Variants in INPP4B observed in about 807,000 individuals in gnomAD.
The protein encoded by INPP4B is inositol polyphosphate 4-phosphatase type II.
Under a neutral mutation model 122.5 loss-of-function variants are expected in INPP4B, and 55 were observed. The ratio of observed to expected loss-of-function variants is 0.45; its 90% confidence interval spans 0.36 to 0.56. INPP4B has a LOEUF of 0.56. Among genes scored for constraint, INPP4B ranks in the 20% least tolerant of loss-of-function variants. The pLI is 0.00. For missense variants in INPP4B, 1,000 were observed against 1,097.7 expected (o/e 0.91, Z 1.26); for synonymous variants, 403 against 388.7 (o/e 1.04, Z -0.43).
chr4:142,673,426 A>G (rs1309096737), intron 2 of INPP4B, among the ~76,000 whole-genome samples: 2 of 152,024 alleles, frequency 1.3e-5, no homozygotes, highest in African/African-American at 4.8e-5. Flanking sequence ...CAAAAAAAAA[A>G]AAAAGTCACA....
intron 7 of INPP4B, among the ~76,000 whole-genome samples, chr4:142,390,777 A>G (rs1206403798): frequency 6.6e-6 from 1 of 152,176 alleles, no homozygotes; most frequent in East Asian, 1.9e-4. Flanking sequence ...GAAATAACCA[A>G]ATTGCCTTGT....
At chr4:142,377,288 T>C (rs1013390781) in intron 7 of INPP4B, among the ~76,000 whole-genome samples, 1 of 151,504 alleles carries the variant, frequency 6.6e-6, no homozygotes, top group African/African-American at 2.4e-5. Flanking sequence ...TTCTGACAAA[T>C]GTCTTAGAAG....
intron 9 of INPP4B, among the ~76,000 whole-genome samples, chr4:142,300,678 A>G (rs1561793881): frequency 6.6e-6 from 1 of 152,190 alleles, no homozygotes; most frequent in African/African-American, 2.4e-5. Flanking sequence ...AATACTACAT[A>G]AAATAGGAGA....
intron 25 of INPP4B, chr4:142,030,081 AAGTTCATTGTCATTTGT>A: frequency 6.8e-7 from 1 of 1,460,514 alleles, no homozygotes; most frequent in Non-Finnish European, 9.1e-7. Context: ...CCATAATTTA[AAGTTCATTGTCATTTGT>A]AGAAAAGAAA....
chr4:142,375,697 T>C (rs78614643), intron 7 of INPP4B, among the ~76,000 whole-genome samples: 203 of 152,112 alleles, frequency 1.3e-3, no homozygotes, highest in African/African-American at 4.4e-3. Flanking sequence ...TCCTGGCTTA[T>C]AAAGCAAACA....
chr4:142,124,733 A>C lies in INPP4B; in HGVS notation c.1748T>G (p.Leu583Arg), dbSNP rs1797987314. Reference protein sequence around the residue: ...REDWYEQLYPLILTLKDCMGE... With the variant: ...REDWYEQLYPRILTLKDCMGE... ...CATGCAGTCCTTCAGGGTAAGGATGAGGGGATACAACTGTTCATACCAGTC... is the reference window on the plus strand; with the variant it reads ...CATGCAGTCCTTCAGGGTAAGGATGCGGGGATACAACTGTTCATACCAGTC... Residue 583 changes from leucine (L) to arginine (R), a missense_variant, in exon 19 of 26, where the codon CTC (leucine) becomes CGC (arginine). Leu to Arg is a moderately radical substitution (Grantham distance 102). Transcript: ENST00000262992. 3.1e-6 allele frequency: 5 copies of C among 1,598,532 alleles called. No individual in the cohort carries two copies. The highest frequency in any genetic ancestry group is 3.4e-6 in the Non-Finnish European group (4 of 1,169,436).
intron 2 of INPP4B, among the ~76,000 whole-genome samples, chr4:142,571,694 T>C (rs1217674660): frequency 6.6e-6 from 1 of 152,172 alleles, no homozygotes; most frequent in African/African-American, 2.4e-5. Context: ...AAGTAAGTTT[T>C]GCTAACAATT....
chr4:142,768,894 A>C (rs1048750607), intron 1 of INPP4B, among the ~76,000 whole-genome samples: 2 of 152,168 alleles, frequency 1.3e-5, no homozygotes, highest in African/African-American at 4.8e-5. Context: ...GGGAACAAGG[A>C]AAGGATTTGT....
At chr4:142,520,948 T>C (rs1036073248) in intron 2 of INPP4B, among the ~76,000 whole-genome samples, 1 of 151,996 alleles carries the variant, frequency 6.6e-6, no homozygotes, top group Non-Finnish European at 1.5e-5. Flanking sequence ...TGCTTTTTAG[T>C]GCCATATAAA....
intron 1 of INPP4B, among the ~76,000 whole-genome samples, chr4:142,828,128 T>C (rs1350093468): frequency 6.6e-6 from 1 of 152,028 alleles, no homozygotes; most frequent in African/African-American, 2.4e-5. Flanking sequence ...AATGCTGAGC[T>C]CACAAGAAAT....
intron 2 of INPP4B, among the ~76,000 whole-genome samples, chr4:142,547,624 A>C (rs1165801417): frequency 3.3e-5 from 5 of 152,184 alleles, no homozygotes. Flanking sequence ...AAAACTGAAG[A>C]CCATGAAGGT....
At chr4:142,676,277 A>C (rs1204228857) in intron 2 of INPP4B, among the ~76,000 whole-genome samples, 3 of 152,142 alleles carry the variant, frequency 2.0e-5, no homozygotes, top group Non-Finnish European at 4.4e-5. Flanking sequence ...CTAGGAATAC[A>C]ACTTACAAGG....
chr4:142,332,501 G>A (rs1478206036), intron 7 of INPP4B, among the ~76,000 whole-genome samples: 2 of 151,108 alleles, frequency 1.3e-5, no homozygotes, highest in Non-Finnish European at 2.9e-5. Context: ...TATTAAAGGG[G>A]GAAAAAAAAG....
intron 5 of INPP4B, among the ~76,000 whole-genome samples, chr4:142,411,434 T>C (rs1219278868): frequency 6.6e-6 from 1 of 152,172 alleles, no homozygotes; most frequent in Non-Finnish European, 1.5e-5. Flanking sequence ...TAGAGCCCAA[T>C]ATAGTCTGAT....
chr4:142,209,770 G>A (rs1483677997), intron 12 of INPP4B, among the ~76,000 whole-genome samples: 1 of 117,310 alleles, frequency 8.5e-6, no homozygotes, highest in South Asian at 3.1e-4. Flanking sequence ...TCCAGCCTGG[G>A]TGACAGAGTA....
chr4:142,156,715 G>A (rs1817409080), intron 17 of INPP4B, among the ~76,000 whole-genome samples: 1 of 151,886 alleles, frequency 6.6e-6, no homozygotes, highest in Non-Finnish European at 1.5e-5. Flanking sequence ...CATCAATTTT[G>A]TCAACAAAAC....
At chr4:142,128,226 GTA>G (rs575563404) in intron 18 of INPP4B, among the ~76,000 whole-genome samples, 1,597 of 151,144 alleles carry the variant, frequency 0.011, 32 homozygotes, top group African/African-American at 0.037. Context: ...GTGTGTGTAT[GTA>G]TATACACATA....
chr4:142,253,494 C>A (rs770636176), intron 11 of INPP4B, among the ~76,000 whole-genome samples: 1 of 152,086 alleles, frequency 6.6e-6, no homozygotes, highest in African/African-American at 2.4e-5. Context: ...TCAGTGGGTG[C>A]GCGCACCATG....
intron 2 of INPP4B, among the ~76,000 whole-genome samples, chr4:142,638,513 T>C (rs1160348705): frequency 1.3e-5 from 2 of 151,970 alleles, no homozygotes; most frequent in African/African-American, 4.8e-5. Flanking sequence ...CTGGGCTCTT[T>C]ATACTGTTCC....
Sources: allele counts gnomAD v4.1 joint callset (sites outside exome capture counted in the v4.1 genomes callset), GRCh38; gene constraint gnomAD v4.1.1; transcripts MANE v1.5; gene names NCBI Gene and HGNC (gene_info 2026-07-23, HGNC 2026-07-21).